The following GPHN variants were observed in gnomAD, a reference collection of about 807,000 sequenced individuals.
The protein encoded by GPHN is gephyrin.
In GPHN, 17 loss-of-function variants were observed where a neutral mutation model predicts 95.5. The observed-to-expected ratio is 0.18, with a 90% confidence interval of 0.12 to 0.27. The LOEUF is 0.27. Ranked by LOEUF, GPHN falls within the 10% of genes least tolerant of loss-of-function variation. The pLI is 1.00. For synonymous variants in GPHN, 320 were observed against 322.5 expected, an observed-to-expected ratio of 0.99 and a Z score of 0.08; for missense variants, 660 against 978.1, an observed-to-expected ratio of 0.67 and a Z score of 4.34.
At chr14:66,519,723 ACT>A (rs1361133199) in intron 1 of GPHN, among the ~76,000 whole-genome samples, 1 of 151,854 alleles carries the variant, frequency 6.6e-6, no homozygotes, top group Non-Finnish European at 1.5e-5. Context: ...TCACTCCCTA[ACT>A]CTGTAGCATA....
chr14:67,382,963 G>A, the GPHN span, among the ~76,000 whole-genome samples: 4 of 152,046 alleles, frequency 2.6e-5, no homozygotes, highest in African/African-American at 9.7e-5. Flanking sequence ...TAGTAAGCTA[G>A]TAAGTAGTAG....
At chr14:67,295,759 G>A in the GPHN span, among the ~76,000 whole-genome samples, 1 of 152,134 alleles carries the variant, frequency 6.6e-6, no homozygotes. Flanking sequence ...TACATCACTG[G>A]TGGAGTATAA....
At chr14:66,643,318 G>C (rs2064541270) in intron 1 of GPHN, among the ~76,000 whole-genome samples, 1 of 152,060 alleles carries the variant, frequency 6.6e-6, no homozygotes, top group Admixed American at 6.6e-5. Context: ...ACCACTTTGG[G>C]AAACTGGGAG....
intron 1 of GPHN, among the ~76,000 whole-genome samples, chr14:66,647,496 G>T (rs1334396296): frequency 2.6e-5 from 4 of 151,554 alleles, no homozygotes; most frequent in Admixed American, 2.6e-4. Context: ...TTCTGCAAGG[G>T]ATACATTCCA....
In GPHN at chr14:66,977,949, C is replaced by G. The variant is rs182642637; in HGVS notation, c.963+12624C>G. Among the ~76,000 whole-genome samples, 454 of 152,254 alleles carry G rather than the reference C, an allele frequency of 3.0e-3. 3 individuals are homozygous for G. The highest frequency in any genetic ancestry group is 0.01 in the African/African-American group (436 of 41,564). ...CTTGGAGATATTGTAGGTTCAGTTG[C>G]AGACCACTGCAATAAAGCAAAAATT... On this transcript the variant is annotated intron_variant, in intron 9 of 22. Transcript: ENST00000478722.
intron 1 of GPHN, among the ~76,000 whole-genome samples, chr14:66,526,369 A>G (rs144555111): frequency 0.055 from 8,312 of 152,272 alleles, 319 homozygotes; most frequent in Middle Eastern, 0.099. Flanking sequence ...TATCAGCTTA[A>G]GGAGATTTTG....
the GPHN span, chr14:67,349,009 A>T: frequency 6.2e-7 from 1 of 1,603,282 alleles, no homozygotes; most frequent in Middle Eastern, 1.7e-4. Flanking sequence ...TTTCTCCCCA[A>T]AGGGTTTCTA....
intron 2 of GPHN, among the ~76,000 whole-genome samples, chr14:66,687,923 C>T (rs1324698148): frequency 1.3e-5 from 2 of 152,098 alleles, no homozygotes; most frequent in Admixed American, 6.6e-5. Context: ...TTTCTAGGTA[C>T]AGTTGATCCT....
intron 11 of GPHN, among the ~76,000 whole-genome samples, chr14:67,076,604 C>T (rs1002958579): frequency 6.6e-6 from 1 of 152,064 alleles, no homozygotes; most frequent in African/African-American, 2.4e-5. Context: ...GCCTTTTCAG[C>T]TCTTTTGGTA....
At chr14:66,894,080 C>A (rs2064681348) in intron 5 of GPHN, among the ~76,000 whole-genome samples, 1 of 152,062 alleles carries the variant, frequency 6.6e-6, no homozygotes, top group Non-Finnish European at 1.5e-5. Flanking sequence ...AAATCCTAAG[C>A]TGGAGGCCTC....
At chr14:67,603,278 C>A in the GPHN span, among the ~76,000 whole-genome samples, 1 of 152,192 alleles carries the variant, frequency 6.6e-6, no homozygotes, top group African/African-American at 2.4e-5. Context: ...CTATGTTTCC[C>A]AGGCTATTTT....
chr14:67,542,123 A>G, the GPHN span: 1 of 887,326 alleles, frequency 1.1e-6, no homozygotes, highest in Non-Finnish European at 1.6e-6. Context: ...GCAAAATGAA[A>G]CCCAAGGTAG....
chr14:66,754,546 A>G (rs1303120699), intron 2 of GPHN, among the ~76,000 whole-genome samples: 1 of 152,030 alleles, frequency 6.6e-6, no homozygotes, highest in Non-Finnish European at 1.5e-5. Flanking sequence ...CTTTTAAAAC[A>G]CAATCTTAAA....
chr14:67,496,209 T>G, the GPHN span, among the ~76,000 whole-genome samples: 1 of 151,892 alleles, frequency 6.6e-6, no homozygotes, highest in Admixed American at 6.6e-5. Context: ...TTTTAAAAAT[T>G]TTGTATCTAT....
At chr14:66,700,261 T>C (rs941470057) in intron 2 of GPHN, among the ~76,000 whole-genome samples, 4 of 152,206 alleles carry the variant, frequency 2.6e-5, no homozygotes, top group Non-Finnish European at 4.4e-5. Flanking sequence ...ACTATACATT[T>C]TCAAAGAGAG....
At chr14:66,938,581 A>G (rs1435756265) in intron 8 of GPHN, among the ~76,000 whole-genome samples, 1 of 152,108 alleles carries the variant, frequency 6.6e-6, no homozygotes, top group Non-Finnish European at 1.5e-5. Context: ...AACTCAGTCC[A>G]CTGTTTAGGT....
At chr14:67,525,111 G>A in the GPHN span, among the ~76,000 whole-genome samples, 1 of 152,092 alleles carries the variant, frequency 6.6e-6, no homozygotes, top group East Asian at 1.9e-4. Flanking sequence ...CTTGTAAAAT[G>A]CTTACATAAT....
At chr14:67,385,033 A>G in the GPHN span, 1 of 152,218 alleles carries the variant, frequency 6.6e-6, no homozygotes, top group East Asian at 1.9e-4. Flanking sequence ...AACTTGAAAA[A>G]TACTGGTGGC....
intron 9 of GPHN, among the ~76,000 whole-genome samples, chr14:67,008,483 A>C (rs1170914003): frequency 3.3e-5 from 5 of 151,916 alleles, no homozygotes; most frequent in Non-Finnish European, 7.4e-5. Flanking sequence ...AAAAAAGATT[A>C]GTCATGATGT....
Sources: gnomAD v4.1 joint callset for allele counts (sites outside exome capture counted in the v4.1 genomes callset) on GRCh38, gnomAD v4.1.1 for gene constraint, MANE v1.5 for transcripts, NCBI Gene and HGNC (gene_info 2026-07-23, HGNC 2026-07-21) for gene names.